RABGAP1L: variants seen among roughly 807,000 people sequenced by gnomAD.
RABGAP1L encodes the protein rab GTPase-activating protein 1-like.
Under a neutral mutation model 137.7 loss-of-function variants are expected in RABGAP1L, and 63 were observed. The ratio of observed to expected loss-of-function variants is 0.46; its 90% CI spans 0.37 to 0.56. The LOEUF is 0.56. RABGAP1L is among the 20% of genes least tolerant of loss of function. The probability of loss-of-function intolerance (pLI) is 0.00; values close to 1 mark genes in which losing one functional copy is unlikely to be tolerated. For missense variants in RABGAP1L, 1,095 were observed against 1,244.0 expected (o/e 0.88, Z 1.80); for synonymous variants, 431 against 433.7 (o/e 0.99, Z 0.08).
intron 13 of RABGAP1L, among the ~76,000 whole-genome samples, chr1:174,483,680 A>G (rs1659347604): frequency 6.6e-6 from 1 of 152,146 alleles, no homozygotes. Flanking sequence ...TACAAAAATT[A>G]GCCAGGCATT....
intron 13 of RABGAP1L, among the ~76,000 whole-genome samples, chr1:174,629,653 G>C (rs1368342485): frequency 6.6e-6 from 1 of 152,068 alleles, no homozygotes; most frequent in Non-Finnish European, 1.5e-5. Context: ...CTCCTGAGTA[G>C]CTGGGATTAC....
chr1:174,540,020 G>A (rs1007622763), intron 13 of RABGAP1L, among the ~76,000 whole-genome samples: 1 of 152,180 alleles, frequency 6.6e-6, no homozygotes, highest in African/African-American at 2.4e-5. Flanking sequence ...TTGTGGTTTT[G>A]ATTTGCATTT....
Position 174,550,993 on chromosome 1 carries a change from TATACAC to T in RABGAP1L, c.1711-86378_1711-86373del, listed in dbSNP as rs1371831093. On this transcript the variant is annotated intron_variant, in intron 13 of 25. Coordinates refer to ENST00000681986, the MANE Select transcript of RABGAP1L (RefSeq NM_001366446.1). ...ATACATGTATATATACATATATATA[TATACAC>T]ATATATATATATATATATATATACA... Among the ~76,000 whole-genome samples, 15 of 64,462 alleles carry T rather than the reference TATACAC, an allele frequency of 2.3e-4. 1 individual carries two copies. The highest frequency in any genetic ancestry group is 1.6e-3 in the African/African-American group (14 of 8,646). 42.3% of individuals were successfully genotyped at this position (64,462 alleles called of 152,430 possible).
At chr1:174,335,279 TATTTA>T (rs1317652347) in intron 11 of RABGAP1L, among the ~76,000 whole-genome samples, 1 of 152,214 alleles carries the variant, frequency 6.6e-6, no homozygotes, top group African/African-American at 2.4e-5. Context: ...AGTATTCTTT[TATTTA>T]ATTATTTTCA....
chr1:174,282,511 A>T (rs1675665710), intron 10 of RABGAP1L, among the ~76,000 whole-genome samples: 1 of 151,946 alleles, frequency 6.6e-6, no homozygotes. Context: ...ATATTTTCTG[A>T]ATATATTTTC....
At chr1:174,662,125 T>A (rs1158040044) in intron 14 of RABGAP1L, among the ~76,000 whole-genome samples, 2 of 108,160 alleles carry the variant, frequency 1.8e-5, no homozygotes, top group Non-Finnish European at 3.7e-5. Flanking sequence ...TTTTTTTGAG[T>A]TGGAGTCTGG....
intron 18 of RABGAP1L, among the ~76,000 whole-genome samples, chr1:174,800,874 C>A (rs1263224014): frequency 6.6e-6 from 1 of 152,222 alleles, no homozygotes; most frequent in East Asian, 1.9e-4. Context: ...ACAGACATAG[C>A]AACTTATCTA....
intron 11 of RABGAP1L, among the ~76,000 whole-genome samples, chr1:174,334,108 T>C (rs1433366985): frequency 1.3e-5 from 2 of 152,216 alleles, no homozygotes; most frequent in Non-Finnish European, 1.5e-5. Context: ...AATGCAGACA[T>C]GTTTCCAGAA....
At position 174,448,772 on chromosome 1, in the gene RABGAP1L, T is replaced by C. The variant is rs1288096706; in HGVS notation, c.1710+54627T>C. Reference sequence around the variant, plus strand: ...TGCTCCTGCTGCCTTTGTTGTCTGCTTCACTTACTTCCACATTTTCAAAAT... The same window carrying C: ...TGCTCCTGCTGCCTTTGTTGTCTGCCTCACTTACTTCCACATTTTCAAAAT... On this transcript the variant is annotated intron_variant, in intron 13 of 25. Coordinates refer to ENST00000681986, the MANE Select transcript of RABGAP1L (RefSeq NM_001366446.1). This position sits in a 1 kb window ranked among gnomAD's most constrained non-coding sequence, Gnocchi z 4.2. 3 of 1,613,894 alleles carry C rather than the reference T, an allele frequency of 1.9e-6. No individual in the cohort carries two copies. Among genetic ancestry groups the C allele is most frequent in the Non-Finnish European group, 2.5e-6 (3 of 1,179,770 alleles).
chr1:174,767,252 C>A (rs1685740441), intron 18 of RABGAP1L, among the ~76,000 whole-genome samples: 1 of 152,152 alleles, frequency 6.6e-6, no homozygotes, highest in Admixed American at 6.5e-5. Context: ...TCAGCATAAA[C>A]CTCTTCAAAT....
In RABGAP1L at chr1:174,957,463, A is replaced by T. The variant is rs369879598; in HGVS notation, c.2347A>T (p.Thr783Ser). Residue 783 changes from threonine (T) to serine (S), a missense_variant, in exon 20 of 26, where the codon ACC becomes TCC. Thr to Ser is a moderately conservative substitution (Grantham distance 58, BLOSUM62 1). Around this residue, in one of 4 missense-constraint regions of RABGAP1L, gnomAD observed 312 missense variants for 435.6 expected, o/e 0.72. Coordinates refer to ENST00000681986, the MANE Select transcript of RABGAP1L (RefSeq NM_001366446.1). ...MEQACNIKVPTKKLKKYEKEY... is the reference protein window; with the variant it reads ...MEQACNIKVPSKKLKKYEKEY... ...TTTCCTCAAATCCCTGCAGGTACCA[A>T]CCAAGAAGCTGAAGAAATATGAGAA... 1 of 1,613,120 alleles carries T rather than the reference A, an allele frequency of 6.2e-7. No individual in the cohort carries two copies. Among genetic ancestry groups the T allele is most frequent in the African/African-American group, 1.3e-5 (1 of 74,908 alleles).
chr1:174,292,501 C>T (rs945609436), intron 10 of RABGAP1L, among the ~76,000 whole-genome samples: 2 of 151,428 alleles, frequency 1.3e-5, no homozygotes, highest in Admixed American at 6.6e-5. Context: ...CTTGTTATTT[C>T]TTTTGTGTCC....
At chr1:174,847,595 C>A (rs1391119462) in intron 19 of RABGAP1L, among the ~76,000 whole-genome samples, 1 of 138,810 alleles carries the variant, frequency 7.2e-6, no homozygotes, top group Non-Finnish European at 1.6e-5. Context: ...GCCGAGAGAT[C>A]TGCTGTTAGT....
At chr1:174,946,753 TA>T (rs1427191978) in intron 19 of RABGAP1L, among the ~76,000 whole-genome samples, 1 of 150,788 alleles carries the variant, frequency 6.6e-6, no homozygotes, top group Admixed American at 6.6e-5. Flanking sequence ...ATACAAAAAT[TA>T]GCCAAGTGTG....
intron 13 of RABGAP1L, among the ~76,000 whole-genome samples, chr1:174,632,109 CATTTG>C (rs1673445155): frequency 7.8e-6 from 1 of 128,356 alleles, no homozygotes; most frequent in African/African-American, 3.0e-5. Context: ...AATCTGTCAG[CATTTG>C]CTTGTCTGTA....
chr1:174,403,677 A>G (rs1425850017), intron 13 of RABGAP1L, among the ~76,000 whole-genome samples: 2 of 152,126 alleles, frequency 1.3e-5, no homozygotes, highest in African/African-American at 4.8e-5. Flanking sequence ...GTGTCAGGGC[A>G]TGTTTCTAAT....
intron 4 of RABGAP1L, chr1:174,238,851 G>T (rs1671488398): frequency 6.5e-6 from 1 of 154,650 alleles, no homozygotes; most frequent in Admixed American, 6.5e-5. Flanking sequence ...GCAATGGCGG[G>T]CGCCCCTCCC....
At chr1:174,501,047 T>G (rs556579700) in intron 13 of RABGAP1L, among the ~76,000 whole-genome samples, 3 of 152,226 alleles carry the variant, frequency 2.0e-5, no homozygotes, top group Admixed American at 2.0e-4. Context: ...TGATCTAAAC[T>G]GAGGAATAAG....
At chr1:174,830,401 T>A (rs1691991179) in intron 19 of RABGAP1L, among the ~76,000 whole-genome samples, 1 of 148,392 alleles carries the variant, frequency 6.7e-6, no homozygotes, top group Non-Finnish European at 1.5e-5. Context: ...TAATTTAATC[T>A]ATTTATTTTT....
Sources: allele counts gnomAD v4.1 joint callset (sites outside exome capture counted in the v4.1 genomes callset), GRCh38; gene constraint gnomAD v4.1.1; regional missense constraint gnomAD v4.1.1; non-coding constraint Gnocchi (gnomAD v3.1); transcripts MANE v1.5; gene names NCBI Gene and HGNC (gene_info 2026-07-23, HGNC 2026-07-21).